The following SPOCK1 variants were observed in gnomAD, a reference collection of about 807,000 sequenced individuals.
SPOCK1 encodes SPARC (osteonectin), cwcv and kazal like domains proteoglycan 1, also known as testican-1.
In SPOCK1, 23 loss-of-function variants were observed where a neutral mutation model predicts 55.3. The ratio of observed to expected loss-of-function variants is 0.42; its 90% CI spans 0.30 to 0.59. The LOEUF (loss-of-function observed/expected upper bound fraction) is 0.59, where lower values mean the gene tolerates loss of function less well. SPOCK1 is among the 20% of genes least tolerant of loss of function. The probability of loss-of-function intolerance (pLI) is 0.22; values close to 1 mark genes in which losing one functional copy is unlikely to be tolerated. For missense variants in SPOCK1, 499 were observed against 552.5 expected (o/e 0.90, Z 0.97); for synonymous variants, 226 against 221.0 (o/e 1.02, Z -0.20).
At chr5:137,083,732 A>G (rs1235831332) in intron 5 of SPOCK1, among the ~76,000 whole-genome samples, 1 of 152,144 alleles carries the variant, frequency 6.6e-6, no homozygotes, top group Non-Finnish European at 1.5e-5. Flanking sequence ...TGTGAGAGCT[A>G]TGTTACATTT....
At chr5:137,250,928 A>G (rs1561484376) in intron 3 of SPOCK1, among the ~76,000 whole-genome samples, 1 of 152,216 alleles carries the variant, frequency 6.6e-6, no homozygotes, top group Non-Finnish European at 1.5e-5. Context: ...GACCCAGAGA[A>G]GTCTGGGACA....
chr5:137,198,284 G>A (rs1755342739), intron 3 of SPOCK1, among the ~76,000 whole-genome samples: 1 of 152,120 alleles, frequency 6.6e-6, no homozygotes, highest in Non-Finnish European at 1.5e-5. Flanking sequence ...ATATGTCCTT[G>A]TCCTAATTTC....
intron 5 of SPOCK1, among the ~76,000 whole-genome samples, chr5:137,081,543 TC>T (rs1434789699): frequency 6.6e-6 from 1 of 152,220 alleles, no homozygotes; most frequent in Non-Finnish European, 1.5e-5. Flanking sequence ...CCCAATTTCT[TC>T]CTTTCTCCCC....
intron 3 of SPOCK1, among the ~76,000 whole-genome samples, chr5:137,156,250 G>A (rs1374986819): frequency 6.6e-6 from 1 of 152,106 alleles, no homozygotes; most frequent in Non-Finnish European, 1.5e-5. Context: ...ACATGTGAAC[G>A]TGGTCTGCCC....
At chr5:137,483,882 T>C (rs775912258) in intron 2 of SPOCK1, among the ~76,000 whole-genome samples, 21 of 152,226 alleles carry the variant, frequency 1.4e-4, no homozygotes, top group Non-Finnish European at 2.8e-4. Context: ...TTGTGTTTTC[T>C]GTCTCGTTCA....
rs527904326 is a variant in SPOCK1 at position 137,333,476 on chromosome 5, G to T, written c.187-66421C>A. 3.3e-5 allele frequency among the ~76,000 whole-genome samples: 5 copies of T among 152,286 alleles called. No individual in the cohort carries two copies. The South Asian group carries it at 1.0e-3, about 32-fold the overall frequency. On this transcript the variant is annotated intron_variant, in intron 2 of 10. Transcript: ENST00000394945. ...GACCCCCATGTTGGCCACCACTAGGGACCAATCGGGGACATGAAGTAGCCT... is the reference window on the plus strand; with the variant it reads ...GACCCCCATGTTGGCCACCACTAGGTACCAATCGGGGACATGAAGTAGCCT...
intron 6 of SPOCK1, among the ~76,000 whole-genome samples, chr5:137,001,077 C>A (rs558889326): frequency 2.0e-5 from 3 of 152,284 alleles, no homozygotes; most frequent in Admixed American, 6.5e-5. Context: ...CCCAGTGGTG[C>A]CATCCTCGCT....
intron 7 of SPOCK1, among the ~76,000 whole-genome samples, chr5:136,989,933 C>T (rs1206156373): frequency 6.6e-6 from 1 of 151,638 alleles, no homozygotes; most frequent in African/African-American, 2.4e-5. Flanking sequence ...TTTTTTGAGA[C>T]AGAGTCTCAC....
chr5:137,033,655 G>A (rs886585868), intron 6 of SPOCK1, among the ~76,000 whole-genome samples: 2 of 152,206 alleles, frequency 1.3e-5, no homozygotes, highest in Non-Finnish European at 2.9e-5. Context: ...TTTCCTAATG[G>A]AAGCCCTTCT....
At chr5:137,375,216 T>C (rs1751287197) in intron 2 of SPOCK1, among the ~76,000 whole-genome samples, 1 of 152,106 alleles carries the variant, frequency 6.6e-6, no homozygotes, top group South Asian at 2.1e-4. Flanking sequence ...TAAACTGTAG[T>C]AATAAACTCA....
At chr5:137,204,487 T>C (rs777775204) in intron 3 of SPOCK1, among the ~76,000 whole-genome samples, 10 of 151,928 alleles carry the variant, frequency 6.6e-5, no homozygotes, top group African/African-American at 9.7e-5. Context: ...CCCCACCTAA[T>C]AGTAAAGGTA....
chr5:137,413,930 C>G (rs1752275247), intron 2 of SPOCK1, among the ~76,000 whole-genome samples: 1 of 152,094 alleles, frequency 6.6e-6, no homozygotes, highest in African/African-American at 2.4e-5. Flanking sequence ...TTTTTTAAAA[C>G]AGAAATTACC....
intron 3 of SPOCK1, among the ~76,000 whole-genome samples, chr5:137,237,834 T>G (rs1190725277): frequency 1.3e-5 from 2 of 152,108 alleles, no homozygotes; most frequent in African/African-American, 2.4e-5. Flanking sequence ...ATGGTTGGAG[T>G]GTGGGACTCT....
At chr5:137,431,352 C>T (rs1473415964) in intron 2 of SPOCK1, among the ~76,000 whole-genome samples, 1 of 152,186 alleles carries the variant, frequency 6.6e-6, no homozygotes, top group Non-Finnish European at 1.5e-5. Context: ...CCACTGGCTG[C>T]GTGGGGCTGG....
At chr5:137,299,565 C>A (rs1757547360) in intron 2 of SPOCK1, among the ~76,000 whole-genome samples, 1 of 152,030 alleles carries the variant, frequency 6.6e-6, no homozygotes, top group Non-Finnish European at 1.5e-5. Context: ...CTTCCTTTAG[C>A]ATATCATACA....
At chr5:137,060,336 A>G (rs1752373361) in intron 6 of SPOCK1, among the ~76,000 whole-genome samples, 2 of 152,158 alleles carry the variant, frequency 1.3e-5, no homozygotes, top group African/African-American at 4.8e-5. Context: ...TCCTAAGCAA[A>G]CTCATGCAAG....
At chr5:137,091,268 G>C (rs1362224029) in intron 5 of SPOCK1, among the ~76,000 whole-genome samples, 1 of 152,174 alleles carries the variant, frequency 6.6e-6, no homozygotes, top group East Asian at 1.9e-4. Flanking sequence ...GCACCTACTA[G>C]CTGCTAAGCA....
Position 137,317,755 on chromosome 5 carries a change from C to G in SPOCK1, c.187-50700G>C, listed in dbSNP as rs114083087. On this transcript the variant is annotated intron_variant, in intron 2 of 10. Coordinates refer to ENST00000394945, the MANE Select transcript of SPOCK1 (RefSeq NM_004598.4). ...TCCTTCCTCCAGAATGTGAAGCATT[C>G]ATGACAAAAGAGAGAATTCACTAAC... Among the ~76,000 whole-genome samples the G allele has an allele frequency of 3.9e-3, 599 of 152,260 alleles. 8 individuals are homozygous for G. The highest frequency in any genetic ancestry group is 0.014 in the African/African-American group (576 of 41,552).
At chr5:137,283,323 G>C (rs1757199845) in intron 2 of SPOCK1, among the ~76,000 whole-genome samples, 1 of 152,186 alleles carries the variant, frequency 6.6e-6, no homozygotes, top group African/African-American at 2.4e-5. Context: ...AGTGATCCAA[G>C]CCTGAAGTGA....
Sources: gnomAD v4.1 joint callset for allele counts (sites outside exome capture counted in the v4.1 genomes callset) on GRCh38, gnomAD v4.1.1 for gene constraint, MANE v1.5 for transcripts, NCBI Gene and HGNC (gene_info 2026-07-23, HGNC 2026-07-21) for gene names.